CALN1: variants seen among roughly 807,000 people sequenced by gnomAD.
The protein encoded by CALN1 is calcium-binding protein 8.
Under a neutral mutation model 30.6 loss-of-function variants are expected in CALN1, and 17 were observed. The ratio of observed to expected loss-of-function variants is 0.56; its 90% CI spans 0.38 to 0.83. CALN1 has a LOEUF of 0.83. Among genes scored for constraint, CALN1 ranks in the 40% least tolerant of loss-of-function variants. CALN1 has a pLI of 0.00. For synonymous variants in CALN1, 156 were observed against 131.4 expected, an observed-to-expected ratio of 1.19 and a Z score of -1.28; for missense variants, 291 against 354.9, an observed-to-expected ratio of 0.82 and a Z score of 1.45.
chr7:72,132,745 G>A (rs746468923), intron 3 of CALN1, among the ~76,000 whole-genome samples: 3 of 152,146 alleles, frequency 2.0e-5, no homozygotes, highest in Admixed American at 6.6e-5. Context: ...CTAATCAAAT[G>A]AGGGTATTAG....
At chr7:71,935,960 G>A (rs1220329246) in intron 5 of CALN1, among the ~76,000 whole-genome samples, 1 of 152,096 alleles carries the variant, frequency 6.6e-6, no homozygotes, top group Non-Finnish European at 1.5e-5. Context: ...AGGCAAGGAG[G>A]GAGTGTTGAC....
At chr7:72,154,956 C>G (rs1446945871) in intron 3 of CALN1, among the ~76,000 whole-genome samples, 1 of 151,666 alleles carries the variant, frequency 6.6e-6, no homozygotes, top group East Asian at 1.9e-4. Context: ...ACTCAGGAGG[C>G]TGAGGTGGGA....
intron 1 of CALN1, among the ~76,000 whole-genome samples, chr7:72,421,810 G>C (rs1012205494): frequency 2.6e-5 from 4 of 151,724 alleles, no homozygotes; most frequent in Non-Finnish European, 4.4e-5. Flanking sequence ...GGCTGGTCTC[G>C]ATCTCCTGAC....
chr7:71,791,781 G>A (rs1002304926), intron 6 of CALN1, among the ~76,000 whole-genome samples: 11 of 152,162 alleles, frequency 7.2e-5, no homozygotes, highest in Admixed American at 2.0e-4. Flanking sequence ...AGGCCGAGGC[G>A]GGCGGATCAC....
At chr7:72,296,211 G>A (rs1475773692) in intron 2 of CALN1, among the ~76,000 whole-genome samples, 2 of 151,030 alleles carry the variant, frequency 1.3e-5, no homozygotes, top group Non-Finnish European at 2.9e-5. Context: ...CAGGGATGAA[G>A]CCCACTTGAT....
At chr7:71,790,424 G>GAAAGA (rs1040789927) in intron 6 of CALN1, among the ~76,000 whole-genome samples, 21 of 147,948 alleles carry the variant, frequency 1.4e-4, no homozygotes, top group African/African-American at 3.9e-4. Context: ...AAGAAAGAAA[G>GAAAGA]AAGCAAGCAA....
chr7:71,849,628 T>G (rs182620563), intron 5 of CALN1, among the ~76,000 whole-genome samples: 1 of 152,210 alleles, frequency 6.6e-6, no homozygotes, highest in East Asian at 1.9e-4. Flanking sequence ...TAAGAAAAGG[T>G]CTTCTATATT....
At chr7:72,184,868 C>T (rs2129546375) in intron 3 of CALN1, among the ~76,000 whole-genome samples, 1 of 152,156 alleles carries the variant, frequency 6.6e-6, no homozygotes, top group East Asian at 1.9e-4. Context: ...TCATAGCTCG[C>T]TGCAGCCTTG....
At chr7:72,150,677 A>C in intron 3 of CALN1, among the ~76,000 whole-genome samples, 1 of 152,128 alleles carries the variant, frequency 6.6e-6, no homozygotes, top group African/African-American at 2.4e-5. Context: ...GAAAGGCTAC[A>C]TTGGGCCTCT....
At chr7:72,429,609 G>A (rs985285546) in intron 1 of CALN1, among the ~76,000 whole-genome samples, 3 of 151,828 alleles carry the variant, frequency 2.0e-5, no homozygotes, top group Admixed American at 6.6e-5. Flanking sequence ...TAGCTATTCT[G>A]AAACTCAATG....
intron 2 of CALN1, among the ~76,000 whole-genome samples, chr7:72,361,521 C>T (rs1299531135): frequency 6.6e-6 from 1 of 152,086 alleles, no homozygotes; most frequent in East Asian, 1.9e-4. Context: ...AACAAACAAA[C>T]AAAACAAAGA....
chr7:71,784,446 G>C lies in CALN1; in HGVS notation c.*3329C>G, dbSNP rs533478810. The C allele has an allele frequency of 2.2e-4, 40 of 185,808 alleles. 1 individual carries two copies. In the South Asian group the frequency reaches 7.6e-3, roughly 35 times the overall value. The allele number at this position is 185,808 out of a possible 1,614,324, so 11.5% of individuals were successfully genotyped here. On this transcript the variant is annotated 3_prime_UTR_variant, in exon 7 of 7. Transcript: ENST00000395275. ...TAATATCCCTCTTTTTTTTTTGTCA[G>C]ATCAGTCACGTGGGACCCAAGCACA...
intron 3 of CALN1, among the ~76,000 whole-genome samples, chr7:72,198,375 G>C (rs995831700): frequency 5.3e-5 from 8 of 152,180 alleles, no homozygotes; most frequent in African/African-American, 1.9e-4. Context: ...AAGGATCGCA[G>C]GTACCTTGCT....
the CALN1 span, among the ~76,000 whole-genome samples, chr7:72,454,577 T>C: frequency 2.0e-5 from 3 of 151,990 alleles, no homozygotes; most frequent in African/African-American, 4.8e-5. Flanking sequence ...TAGAAAGCGA[T>C]TGGCAGAAAG....
chr7:71,860,295 C>T (rs1295639352), intron 5 of CALN1, among the ~76,000 whole-genome samples: 4 of 151,616 alleles, frequency 2.6e-5, no homozygotes, highest in African/African-American at 7.3e-5. Context: ...TGGGCTCAAG[C>T]GATTCTCCTG....
At chr7:71,875,400 G>A (rs546656047) in intron 5 of CALN1, among the ~76,000 whole-genome samples, 327 of 152,274 alleles carry the variant, frequency 2.1e-3, no homozygotes, top group Non-Finnish European at 3.8e-3. Flanking sequence ...CAGGAAAGCC[G>A]TGGGGTGAAG....
chr7:72,375,383 T>TA (rs1404052359), intron 2 of CALN1, among the ~76,000 whole-genome samples: 1 of 151,846 alleles, frequency 6.6e-6, no homozygotes, highest in African/African-American at 2.4e-5. Flanking sequence ...GGCAACATAG[T>TA]AAGACCCTGG....
chr7:71,963,818 G>A (rs570470566), intron 5 of CALN1, among the ~76,000 whole-genome samples: 1 of 152,146 alleles, frequency 6.6e-6, no homozygotes, highest in African/African-American at 2.4e-5. Flanking sequence ...AATGCAATGA[G>A]ATTATCACCA....
At chr7:71,846,545 TATAG>T (rs908685432) in intron 5 of CALN1, among the ~76,000 whole-genome samples, 18 of 152,124 alleles carry the variant, frequency 1.2e-4, no homozygotes, top group South Asian at 8.3e-4. Flanking sequence ...CGTGTGTGTG[TATAG>T]ATAGATATAG....
Sources: gnomAD v4.1 joint callset for allele counts (sites outside exome capture counted in the v4.1 genomes callset) on GRCh38, gnomAD v4.1.1 for gene constraint, MANE v1.5 for transcripts, NCBI Gene and HGNC (gene_info 2026-07-23, HGNC 2026-07-21) for gene names.